The following CEP95 variants were observed in gnomAD, a reference collection of about 807,000 sequenced individuals.
CEP95 encodes centrosomal protein of 95 kDa.
CEP95 carries 98 observed loss-of-function variants against 111.2 expected under a neutral mutation model. The ratio of observed to expected loss-of-function variants is 0.88; its 90% CI spans 0.75 to 1.04. CEP95 has a LOEUF of 1.04. Ranked by LOEUF, CEP95 falls within the 50% of genes least tolerant of loss-of-function variation. The probability of loss-of-function intolerance (pLI) is 0.00; values close to 1 mark genes in which losing one functional copy is unlikely to be tolerated. For missense variants in CEP95, 1,027 were observed against 977.2 expected (o/e 1.05, Z -0.68); for synonymous variants, 323 against 327.1 (o/e 0.99, Z 0.14).
chr17:64,527,891 T>TACACACACACACACACACGCGATAC (rs374252937), intron 11 of CEP95, among the ~76,000 whole-genome samples: 1 of 141,514 alleles, frequency 7.1e-6, no homozygotes, highest in South Asian at 2.3e-4. Flanking sequence ...TATATATATA[T>TACACACACACACACACACGCGATAC]ACACACACAC....
Position 64,532,014 on chromosome 17 carries a change from C to A in CEP95, c.1664C>A (p.Ala555Glu), listed in dbSNP as rs1968316275. ...GGTGGCCTCCCAAAGCCAAATAAAGCAGTTCCAAGTAAGAACCACAGAATT... is the reference window on the plus strand; with the variant it reads ...GGTGGCCTCCCAAAGCCAAATAAAGAAGTTCCAAGTAAGAACCACAGAATT... ...LRGGLPKPNK[A>E]VPMKVSEHSL... Residue 555 changes from alanine (A) to glutamate (E), a missense_variant, in exon 14 of 20, where the codon GCA becomes GAA. Ala to Glu is a moderately radical substitution (Grantham distance 107). Coordinates refer to ENST00000556440, the MANE Select transcript of CEP95 (RefSeq NM_138363.3). 6.3e-7 allele frequency: 1 copy of A among 1,575,630 alleles called. No individual in the cohort carries two copies. Among genetic ancestry groups the A allele is most frequent in the South Asian group, 1.2e-5 (1 of 84,166 alleles).
At chr17:64,530,504 G>A in intron 12 of CEP95, among the ~76,000 whole-genome samples, 1 of 101,892 alleles carries the variant, frequency 9.8e-6, no homozygotes, top group African/African-American at 3.9e-5. Flanking sequence ...TTCCTCTTTT[G>A]TATTTTTTTT....
rs1555679071 is a variant in CEP95, at chr17:64,526,171, C to G, written c.1123C>G (p.Leu375Val). The change falls in exon 10 of 20, where the codon CTC becomes GTC. Residue 375 changes from leucine to valine, a missense_variant. Physicochemically the swap from Leu to Val is conservative, Grantham distance 32. Coordinates refer to ENST00000556440, the MANE Select transcript of CEP95 (RefSeq NM_138363.3). ...EQELHDVSEK[L>V]SQRLSELDWM... ...AGAATTACATGATGTATCAGAAAAA[C>G]TCTCTCAGCGGCTTTCTGAACTAGA... 6.2e-7 allele frequency: 1 copy of G among 1,612,888 alleles called. No individual in the cohort carries two copies. Among genetic ancestry groups the G allele is most frequent in the South Asian group, 1.1e-5 (1 of 90,728 alleles).
rs782531825 is a variant in CEP95, at chr17:64,532,946, G to A, written c.1780G>A (p.Val594Ile). Residue 594 changes from valine to isoleucine, a missense_variant, in exon 15 of 20, where the codon GTT (valine) becomes ATT (isoleucine). Val to Ile is a conservative substitution (Grantham distance 29). Coordinates refer to ENST00000556440, the MANE Select transcript of CEP95 (RefSeq NM_138363.3). ...AATGTGGAAACAGCAAATTGCACAG[G>A]TTGAACAGCTTAAGAAAGAAGCATG... ...SKMWKQQIAQ[V>I]EQLKKEACRE... The A allele has an allele frequency of 1.5e-5, 25 of 1,613,790 alleles. No homozygotes were observed. Among genetic ancestry groups the A allele is most frequent in the Non-Finnish European group, 2.0e-5 (24 of 1,179,852 alleles).
intron 1 of CEP95, 34 bp downstream of exon 1, chr17:64,507,150 A>C: frequency 6.4e-7 from 1 of 1,551,234 alleles, no homozygotes; most frequent in Non-Finnish European, 8.7e-7. Flanking sequence ...GTATGTGTGG[A>C]CTGAAACCGT....
At chr17:64,533,343 C>G (rs1184529316) in intron 16 of CEP95, among the ~76,000 whole-genome samples, 152 bp downstream of exon 16, 1 of 152,072 alleles carries the variant, frequency 6.6e-6, no homozygotes, top group African/African-American at 2.4e-5. Context: ...AATTGATAGC[C>G]CATGCCTGTA....
In CEP95 at chr17:64,509,937, A is replaced by G. The variant is rs554479540; in HGVS notation, c.149-236A>G. On this transcript the variant is annotated intron_variant, in intron 2 of 19. Coordinates refer to ENST00000556440, the MANE Select transcript of CEP95 (RefSeq NM_138363.3). ...TATATATATGGTGTAATAAATATTC[A>G]ACCGTATTCAACCAGTCTAATATTG... 8.1e-4 allele frequency among the ~76,000 whole-genome samples: 124 copies of G among 152,222 alleles called. 1 individual carries two copies. Among genetic ancestry groups the G allele is most frequent in the Non-Finnish European group, 9.4e-4 (64 of 68,018 alleles).
At chr17:64,532,715 C>A in intron 14 of CEP95, 124 bp from the exon 15 acceptor site, 1 of 1,455,520 alleles carries the variant, frequency 6.9e-7, no homozygotes. Context: ...ATTATAAGTA[C>A]ATTTAGAATT....
In CEP95 at chr17:64,536,740, A is replaced by T; in HGVS notation, c.2209A>T (p.Lys737Ter). Residue 737 changes from lysine to a stop codon, truncating the protein, a stop_gained, in exon 18 of 20, where the codon AAG becomes TAG. Transcript: ENST00000556440. LOFTEE classifies it high-confidence loss of function. The part of the protein sequence containing the change: ...DELDSMENYY[K>*]DQFSLLAEAI... ...ACTGGACTCCATGGAGAACTACTAT[A>T]AGGACCAGGTGGGCTCCTGGCACTT... 6.2e-7 allele frequency: 1 copy of T among 1,603,016 alleles called. No individual in the cohort carries two copies. The highest frequency in any genetic ancestry group is 1.1e-5 in the South Asian group (1 of 88,390).
intron 3 of CEP95, among the ~76,000 whole-genome samples, chr17:64,511,066 G>A (rs2038866249): frequency 6.6e-6 from 1 of 152,156 alleles, no homozygotes; most frequent in Admixed American, 6.5e-5. Context: ...GGGAGTATAC[G>A]AATAGGTTGT....
intron 8 of CEP95, among the ~76,000 whole-genome samples, chr17:64,523,754 G>A (rs1967566553): frequency 6.6e-6 from 1 of 152,006 alleles, no homozygotes; most frequent in Non-Finnish European, 1.5e-5. Context: ...TAGAAAATTA[G>A]CCTGGAGTGG....
intron 12 of CEP95, 38 bp from the exon 13 acceptor site, chr17:64,530,888 T>G: frequency 7.9e-7 from 1 of 1,259,816 alleles, no homozygotes; most frequent in Non-Finnish European, 1.1e-6. Flanking sequence ...GTTGTGTATG[T>G]TTTTAATAAC....
At chr17:64,514,223 T>C (rs1421021018) in intron 3 of CEP95, 25 bp from the exon 4 acceptor site, 7 of 894,608 alleles carry the variant, frequency 7.8e-6, no homozygotes, top group African/African-American at 1.7e-5. Flanking sequence ...TTAAATTTTT[T>C]AATAGCTCTA....
At chr17:64,534,197 T>A in intron 16 of CEP95, 1 of 197,516 alleles carries the variant, frequency 5.1e-6, no homozygotes, top group Non-Finnish European at 1.0e-5. Flanking sequence ...TGTCAGATAC[T>A]GTCTAATTTC....
rs551865288 is a variant in CEP95, at chr17:64,536,582, T to C, written c.2071-20T>C. On this transcript the variant is annotated intron_variant, in intron 17 of 19. Coordinates refer to ENST00000556440, the MANE Select transcript of CEP95 (RefSeq NM_138363.3). ...AATGATATTCCTCAATGACTATTTT[T>C]ACGATTAAATAACTGACAGATATTT... The C allele has an allele frequency of 2.5e-6, 4 of 1,574,808 alleles. No individual in the cohort carries two copies. The East Asian group carries it at 6.7e-5, about 26-fold the overall frequency.
At chr17:64,509,905 CTATATATATA>C (rs149675660) in intron 2 of CEP95, among the ~76,000 whole-genome samples, 1 of 149,034 alleles carries the variant, frequency 6.7e-6, no homozygotes. Context: ...ATCTATATAT[CTATATATATA>C]TATATGGTGT....
intron 3 of CEP95, among the ~76,000 whole-genome samples, chr17:64,512,839 A>T (rs1358204312): frequency 6.6e-6 from 1 of 152,144 alleles, no homozygotes; most frequent in African/African-American, 2.4e-5. Context: ...TTGCTTTATC[A>T]CCCAAGTAGG....
At chr17:64,524,740 AGGT>A (rs1967658317) in intron 8 of CEP95, among the ~76,000 whole-genome samples, 1 of 151,526 alleles carries the variant, frequency 6.6e-6, no homozygotes. Context: ...TGAGAGGCTG[AGGT>A]GGGTGGATCA....
rs1334542369 is a variant in CEP95, at chr17:64,519,264, CAG to C, written c.474-56_474-55del. ...TGCACCCAGCAGCTCTCCAGGTCCT[CAG>C]GGGAAGGGCCCTCTGGTCAGGCTGG... On this transcript the variant is annotated intron_variant, in intron 5 of 19. Coordinates refer to ENST00000556440, the MANE Select transcript of CEP95 (RefSeq NM_138363.3). The C allele has an allele frequency of 6.8e-6, 8 of 1,175,112 alleles. No homozygotes were observed. The Admixed American group carries it at 1.5e-4, about 22-fold the overall frequency. The allele number at this position is 1,175,112 out of a possible 1,614,324, so 72.8% of individuals were successfully genotyped here.
Sources: allele counts gnomAD v4.1 joint callset (sites outside exome capture counted in the v4.1 genomes callset), GRCh38; gene constraint gnomAD v4.1.1; transcripts MANE v1.5; gene names NCBI Gene and HGNC (gene_info 2026-07-23, HGNC 2026-07-21).